Variants in SLC16A9 observed in about 807,000 individuals in gnomAD.
SLC16A9 encodes the protein monocarboxylate transporter 9.
SLC16A9 carries 26 observed loss-of-function variants against 44.3 expected under a neutral mutation model. The observed-to-expected ratio is 0.59, with a 90% CI of 0.43 to 0.81. The LOEUF (loss-of-function observed/expected upper bound fraction) is 0.81, where lower values mean the gene tolerates loss of function less well. SLC16A9 is among the 40% of genes least tolerant of loss of function. SLC16A9 has a pLI of 0.00. For missense variants in SLC16A9, 559 were observed against 595.8 expected (o/e 0.94, Z 0.64); for synonymous variants, 230 against 225.1 (o/e 1.02, Z -0.19).
At chr10:59,684,046 T>G in intron 2 of SLC16A9, 50 bp downstream of exon 2, 2 of 1,462,692 alleles carry the variant, frequency 1.4e-6, no homozygotes, top group Non-Finnish European at 1.9e-6. Context: ...ATGTAGTAAA[T>G]GTAATTAAAT....
chr10:59,702,293 C>T (rs933249845), intron 1 of SLC16A9, among the ~76,000 whole-genome samples: 18 of 152,154 alleles, frequency 1.2e-4, no homozygotes, highest in Non-Finnish European at 4.4e-5. Flanking sequence ...AAATCCAAAT[C>T]TTTTACCAAT....
chr10:59,708,417 C>T lies in SLC16A9; in HGVS notation c.-37+1062G>A, dbSNP rs1840691294. 4.6e-5 allele frequency among the ~76,000 whole-genome samples: 7 copies of T among 152,260 alleles called. No individual in the cohort carries two copies. In the South Asian group the frequency reaches 1.5e-3, roughly 32 times the overall value. ...GAATTTCTCGAAGCTGAAGCCAACT[C>T]AAATATAAGAAACTGTTAGGGCATA... On this transcript the variant is annotated intron_variant, in intron 1 of 5. Coordinates refer to ENST00000395348, the MANE Select transcript of SLC16A9 (RefSeq NM_194298.3).
At chr10:59,675,956 C>T (rs1320253577) in intron 2 of SLC16A9, among the ~76,000 whole-genome samples, 2 of 152,214 alleles carry the variant, frequency 1.3e-5, no homozygotes, top group Admixed American at 6.5e-5. Flanking sequence ...TAAACTCTCA[C>T]TCCGGCTCTA....
rs752031016 is a variant in SLC16A9, at chr10:59,652,774, A to G, written c.1528T>C (p.Ter510GlnextTer40). 43 of 1,605,270 alleles carry G rather than the reference A, an allele frequency of 2.7e-5. No individual in the cohort carries two copies. The highest frequency in any genetic ancestry group is 3.1e-5 in the Non-Finnish European group (37 of 1,177,178). ...TFLYKVASNV[*>Q] ...AAATAGTGTCTTCCAATATTCTTCT[A>G]AACATTAGAGGCAACTTTGTACAAG... Residue 510 changes from the stop codon to glutamine, a stop_lost, in exon 6 of 6, where the codon TAG (stop) becomes CAG (glutamine). Transcript: ENST00000395348.
At position 59,652,825 on chromosome 10, in the gene SLC16A9, G is replaced by A; in HGVS notation, c.1477C>T (p.Leu493Phe). ...LPSWDTCNKQ[L>F]PKPAPTTFLY... The stretch of plus-strand genomic sequence containing the variant: ...AAAGTTGTTGGAGCTGGCTTGGGGA[G>A]TTGCTTGTTGCATGTATCCCAAGAG... Residue 493 changes from leucine to phenylalanine, a missense_variant, in exon 6 of 6, where the codon CTC becomes TTC. Transcript: ENST00000395348. The A allele has an allele frequency of 6.2e-7, 1 of 1,613,910 alleles. No individual in the cohort carries two copies. Among genetic ancestry groups the A allele is most frequent in the Non-Finnish European group, 8.5e-7 (1 of 1,179,914 alleles).
intron 3 of SLC16A9, among the ~76,000 whole-genome samples, chr10:59,672,082 T>A (rs1448307683): frequency 2.0e-5 from 3 of 152,242 alleles, no homozygotes; most frequent in African/African-American, 7.2e-5. Context: ...TTTTTCTAAG[T>A]CCCTACCAAC....
chr10:59,698,616 GA>G (rs1315974398), intron 1 of SLC16A9, among the ~76,000 whole-genome samples: 1 of 152,112 alleles, frequency 6.6e-6, no homozygotes, highest in African/African-American at 2.4e-5. Flanking sequence ...AGCAGCCAAG[GA>G]AAAGACCCAG....
intron 1 of SLC16A9, among the ~76,000 whole-genome samples, chr10:59,697,907 T>C (rs907971295): frequency 1.3e-5 from 2 of 150,372 alleles, no homozygotes; most frequent in Non-Finnish European, 3.0e-5. Flanking sequence ...TTTTCTCATT[T>C]GTAAAATAGG....
In SLC16A9 at chr10:59,651,438, A is replaced by T. The variant is rs1231808311; in HGVS notation, c.*1334T>A. On this transcript the variant is annotated 3_prime_UTR_variant, in exon 6 of 6. Coordinates refer to ENST00000395348, the MANE Select transcript of SLC16A9 (RefSeq NM_194298.3). ...TAAATGTTTTTCCATTGCCAATCTTATAAAAATTCTCAATCCAGGCTGTGT... is the reference window on the plus strand; with the variant it reads ...TAAATGTTTTTCCATTGCCAATCTTTTAAAAATTCTCAATCCAGGCTGTGT... The T allele has an allele frequency of 6.6e-6, 1 of 152,198 alleles. No individual in the cohort carries two copies. Among genetic ancestry groups the T allele is most frequent in the Non-Finnish European group, 1.5e-5 (1 of 68,018 alleles). 9.4% of individuals were successfully genotyped at this position (152,198 alleles called of 1,614,324 possible). A position where few individuals can be genotyped will look rare whatever the true frequency, so the allele number is the denominator to read the frequency against.
At position 59,654,561 on chromosome 10, in the gene SLC16A9, A is replaced by G. The variant is rs151099964; in HGVS notation, c.465T>C (p.Ala155=). Residue 155 remains alanine, a synonymous_variant, in exon 5 of 6, where the codon GCT becomes GCC. Transcript: ENST00000395348. ...TGSSVGLFIY[A]ALQRMLVEFY... is the part of the protein sequence containing the mutation. ...ACTCAACCAGCATCCTCTGCAGAGCAGCATATATGAAAAGGCCAACGCTTG... is the reference window on the plus strand; with the variant it reads ...ACTCAACCAGCATCCTCTGCAGAGCGGCATATATGAAAAGGCCAACGCTTG... The G allele has an allele frequency of 1.7e-4, 276 of 1,593,592 alleles. 1 individual carries two copies. The highest frequency in any genetic ancestry group is 2.2e-4 in the Non-Finnish European group (258 of 1,174,612).
chr10:59,667,178 A>G (rs1015227039), intron 3 of SLC16A9, among the ~76,000 whole-genome samples: 7 of 152,228 alleles, frequency 4.6e-5, no homozygotes, highest in African/African-American at 1.7e-4. Flanking sequence ...CTGATATGGT[A>G]TCAGGTTCCT....
chr10:59,676,375 A>G (rs111927689), intron 2 of SLC16A9, among the ~76,000 whole-genome samples: 7 of 152,222 alleles, frequency 4.6e-5, no homozygotes, highest in African/African-American at 1.4e-4. Context: ...CAAGGCCTCA[A>G]GATGATAAAC....
chr10:59,705,671 T>A (rs1232011910), intron 1 of SLC16A9, among the ~76,000 whole-genome samples: 2 of 152,176 alleles, frequency 1.3e-5, no homozygotes, highest in Admixed American at 6.5e-5. Flanking sequence ...GGTAAAACAC[T>A]GTTGGATTTA....
chr10:59,653,425 C>CAAAAAAAAAAAAAAAAAAAAAAAAAAAAA (rs562805430), intron 5 of SLC16A9, among the ~76,000 whole-genome samples: 1 of 36,764 alleles, frequency 2.7e-5, no homozygotes, highest in African/African-American at 5.9e-5. Context: ...AACTCCGTCT[C>CAAAAAAAAAAAAAAAAAAAAAAAAAAAAA]AAAAAAAAAA....
At chr10:59,705,858 A>G (rs575429989) in intron 1 of SLC16A9, among the ~76,000 whole-genome samples, 1 of 152,358 alleles carries the variant, frequency 6.6e-6, no homozygotes, top group East Asian at 1.9e-4. Flanking sequence ...TAAATATACC[A>G]ATAATGTTCA....
rs1459899264 is a variant in SLC16A9 at position 59,653,922 on chromosome 10, C to A, written c.1104G>T (p.Trp368Cys). Residue 368 changes from tryptophan (W) to cysteine (C), a missense_variant, in exon 5 of 6, where the codon TGG becomes TGT. Physicochemically the swap from Trp to Cys is radical, Grantham distance 215 (BLOSUM62 -2). Transcript: ENST00000395348. ...LLLGILADFK[W>C]INTLYLYVAT... ...CAACATAAAGATACAAGGTATTAAT[C>A]CACTTGAAGTCAGCCAGTATCCCTA... The A allele has an allele frequency of 6.2e-7, 1 of 1,614,102 alleles. No homozygotes were observed.
At chr10:59,663,886 TAA>T (rs1839543325) in intron 4 of SLC16A9, among the ~76,000 whole-genome samples, 1 of 152,056 alleles carries the variant, frequency 6.6e-6, no homozygotes, top group African/African-American at 2.4e-5. Context: ...CATTTAAATT[TAA>T]GTTTCTAAAA....
chr10:59,698,638 T>C (rs1053270509), intron 1 of SLC16A9, among the ~76,000 whole-genome samples: 36 of 152,030 alleles, frequency 2.4e-4, no homozygotes, highest in South Asian at 2.1e-4. Context: ...GAGGAGCAGC[T>C]CCAAGAACCT....
At chr10:59,672,675 C>A (rs1839776072) in intron 3 of SLC16A9, 95 bp downstream of exon 3, 2 of 1,224,612 alleles carry the variant, frequency 1.6e-6, no homozygotes, top group South Asian at 1.8e-5. Context: ...TGAGCATTTT[C>A]ACTCCTTTAC....
Sources: allele counts gnomAD v4.1 joint callset (sites outside exome capture counted in the v4.1 genomes callset), GRCh38; gene constraint gnomAD v4.1.1; transcripts MANE v1.5; gene names NCBI Gene and HGNC (gene_info 2026-07-23, HGNC 2026-07-21).